ADGRA2: variants seen among roughly 807,000 people sequenced by gnomAD.
ADGRA2 encodes G-protein coupled receptor 124.
In ADGRA2, 61 loss-of-function variants were observed where a neutral mutation model predicts 98.7. The observed-to-expected ratio is 0.62, with a 90% CI of 0.50 to 0.76. The LOEUF (loss-of-function observed/expected upper bound fraction) is 0.76. ADGRA2 is among the 30% of genes least tolerant of loss of function. ADGRA2 has a pLI of 0.00. For missense variants in ADGRA2, 1,712 were observed against 1,860.0 expected (o/e 0.92, Z 1.46); for synonymous variants, 858 against 831.5 (o/e 1.03, Z -0.55).
In ADGRA2 at chr8:37,825,328, C is replaced by A. The variant is rs7820931; in HGVS notation, c.339-3560C>A. ...GCGAAATCTCAGCTCACTGCAACCT[C>A]CACCTCCCAGGTTCAGGTGATTCTC... On this transcript the variant is annotated intron_variant, in intron 2 of 18. Coordinates refer to ENST00000412232, the MANE Select transcript of ADGRA2 (RefSeq NM_032777.10). Among the ~76,000 whole-genome samples, 573 of 152,218 alleles carry A rather than the reference C, an allele frequency of 3.8e-3. 3 individuals carry two copies. The highest frequency in any genetic ancestry group is 0.013 in the African/African-American group (534 of 41,534).
At chr8:37,837,596 C>T (rs1805656230) in intron 13 of ADGRA2, 135 bp from the exon 14 acceptor site, 1 of 743,022 alleles carries the variant, frequency 1.3e-6, no homozygotes, top group Admixed American at 2.2e-5. Flanking sequence ...ACCGCATGCC[C>T]CCAGCCCAGC....
Position 37,797,581 on chromosome 8 carries a change from G to A in ADGRA2, c.266+47G>A. On this transcript the variant is annotated intron_variant, in intron 1 of 18. Coordinates refer to ENST00000412232, the MANE Select transcript of ADGRA2 (RefSeq NM_032777.10). The surrounding 1 kb of genome is among the most constrained non-coding windows in gnomAD (Gnocchi z 5.3). ...TTCCGTCCGAGCCGGGACTGGGGAC[G>A]AAGGGAGGCGAGACGGGAGGGGTGG... 7.7e-7 allele frequency: 1 copy of A among 1,302,708 alleles called. No individual in the cohort carries two copies. The highest frequency in any genetic ancestry group is 9.8e-7 in the Non-Finnish European group (1 of 1,015,400). The allele number at this position is 1,302,708 out of a possible 1,614,324, so 80.7% of individuals were successfully genotyped here. A position where few individuals can be genotyped will look rare whatever the true frequency, so the allele number is the denominator to read the frequency against.
At position 37,844,558 on chromosome 8, in the gene ADGRA2, C is replaced by G; in HGVS notation, c.*2203C>G. On this transcript the variant is annotated 3_prime_UTR_variant, in exon 19 of 19. Coordinates refer to ENST00000412232, the MANE Select transcript of ADGRA2 (RefSeq NM_032777.10). ...TGGGCTCTCTGAAAGTCCCTAACTT[C>G]CTGAGGGGTACGCAAATACTGTTCT... 6.2e-7 allele frequency: 1 copy of G among 1,613,978 alleles called. No homozygotes were observed. The highest frequency in any genetic ancestry group is 8.5e-7 in the Non-Finnish European group (1 of 1,179,996).
At chr8:37,818,241 C>T (rs1047124319) in intron 2 of ADGRA2, among the ~76,000 whole-genome samples, 1 of 152,172 alleles carries the variant, frequency 6.6e-6, no homozygotes, top group African/African-American at 2.4e-5. Flanking sequence ...CAGGCTGGCA[C>T]CTCCCACAAT....
intron 1 of ADGRA2, among the ~76,000 whole-genome samples, chr8:37,808,673 C>G (rs1186846308): frequency 6.6e-6 from 1 of 152,062 alleles, no homozygotes; most frequent in Non-Finnish European, 1.5e-5. Context: ...CAGACCCAGC[C>G]AGGCACAGTG....
At chr8:37,804,323 C>T (rs1409748331) in intron 1 of ADGRA2, among the ~76,000 whole-genome samples, 1 of 152,176 alleles carries the variant, frequency 6.6e-6, no homozygotes, top group Non-Finnish European at 1.5e-5. Context: ...TGAAGCTTCT[C>T]AGACCTCTTG....
At chr8:37,832,157 A>G (rs1805474963) in intron 8 of ADGRA2, among the ~76,000 whole-genome samples, 1 of 151,144 alleles carries the variant, frequency 6.6e-6, no homozygotes, top group African/African-American at 2.4e-5. Context: ...TCTGGAGTGC[A>G]ATGGCATGAT....
At chr8:37,810,781 G>A (rs1328864988) in intron 1 of ADGRA2, among the ~76,000 whole-genome samples, 1 of 152,104 alleles carries the variant, frequency 6.6e-6, no homozygotes, top group Non-Finnish European at 1.5e-5. Context: ...TTGCAGGCAT[G>A]AGCCACTGCA....
chr8:37,827,844 C>G (rs1585394297), intron 2 of ADGRA2, among the ~76,000 whole-genome samples: 2 of 152,166 alleles, frequency 1.3e-5, no homozygotes, highest in East Asian at 3.9e-4. Context: ...CATAAAAATA[C>G]CCTCCTTGGC....
rs1804373186 is a variant in ADGRA2 at position 37,797,648 on chromosome 8, T to C, written c.266+114T>C. The C allele has an allele frequency of 5.7e-6, 6 of 1,052,704 alleles. No individual in the cohort carries two copies. Among genetic ancestry groups the C allele is most frequent in the Non-Finnish European group, 7.4e-6 (6 of 806,548 alleles). The allele number at this position is 1,052,704 out of a possible 1,614,324, so 65.2% of individuals were successfully genotyped here. ...GCTATCCCCCCACTTCAGAGATTTC[T>C]GGACAGGCCTGGGTTCAGGCCCCCA... On this transcript the variant is annotated intron_variant, in intron 1 of 18. Transcript: ENST00000412232. This position sits in a 1 kb window ranked among gnomAD's most constrained non-coding sequence, Gnocchi z 5.3.
rs373244928 is a variant in ADGRA2, at chr8:37,837,875, G to A, written c.2195G>A (p.Arg732His). The A allele has an allele frequency of 6.8e-5, 101 of 1,495,514 alleles. No homozygotes were observed. The African/African-American group carries it at 9.1e-4, about 13-fold the overall frequency. The allele number at this position is 1,495,514 out of a possible 1,614,324, so 92.6% of individuals were successfully genotyped here. The stretch of plus-strand genomic sequence containing the variant: ...TGGACCTCGGAGGGCTGCCAGCTCC[G>A]CTCCAGCCAGCCCAATGTCAGCGCC... Reference protein sequence around the residue: ...GGWTSEGCQLRSSQPNVSALH... With the variant: ...GGWTSEGCQLHSSQPNVSALH... The change falls in exon 14 of 19, where the codon CGC (arginine) becomes CAC (histidine). Residue 732 changes from arginine (R) to histidine (H), a missense_variant. Physicochemically the swap from Arg to His is conservative, Grantham distance 29. Coordinates refer to ENST00000412232, the MANE Select transcript of ADGRA2 (RefSeq NM_032777.10).
Position 37,844,708 on chromosome 8 carries a change from C to T in ADGRA2, c.*2353C>T. 6.2e-7 allele frequency: 1 copy of T among 1,614,102 alleles called. No homozygotes were observed. Among genetic ancestry groups the T allele is most frequent in the African/African-American group, 1.3e-5 (1 of 75,038 alleles). ...AGGGCAGGACTGGCCGGCCGCTTCC[C>T]CTGGGGTAAACCTAAGGAATTATTT... On this transcript the variant is annotated 3_prime_UTR_variant, in exon 19 of 19. Transcript: ENST00000412232.
At chr8:37,812,473 A>C (rs1390311122) in intron 1 of ADGRA2, among the ~76,000 whole-genome samples, 2 of 151,988 alleles carry the variant, frequency 1.3e-5, no homozygotes, top group Non-Finnish European at 2.9e-5. Flanking sequence ...TAAAAATACA[A>C]AAAATTAGCC....
chr8:37,844,342 C>T lies in ADGRA2; in HGVS notation c.*1987C>T. On this transcript the variant is annotated 3_prime_UTR_variant, in exon 19 of 19. Coordinates refer to ENST00000412232, the MANE Select transcript of ADGRA2 (RefSeq NM_032777.10). The stretch of plus-strand genomic sequence containing the variant: ...TGCACTCCTGACTTTACTCCAGGAC[C>T]CAGGGTCCAACTAATGGCAGAGCCC... 9.8e-7 allele frequency: 1 copy of T among 1,016,692 alleles called. No individual in the cohort carries two copies. The highest frequency in any genetic ancestry group is 1.6e-5 in the South Asian group (1 of 61,972). 63.0% of individuals were successfully genotyped at this position (1,016,692 alleles called of 1,614,324 possible).
In ADGRA2 at chr8:37,797,196, C is replaced by T. The variant is rs1181776123; in HGVS notation, c.-73C>T. On this transcript the variant is annotated 5_prime_UTR_variant, in exon 1 of 19. Coordinates refer to ENST00000412232, the MANE Select transcript of ADGRA2 (RefSeq NM_032777.10). The surrounding 1 kb of genome is among the most constrained non-coding windows in gnomAD (Gnocchi z 5.3). ...CCGGGCCCCCGCTGAGCACTCCTCC[C>T]GCACGCCTGGGTCCCTCCGGCCGGC... The T allele has an allele frequency of 8.7e-7, 1 of 1,145,240 alleles. No individual in the cohort carries two copies. The highest frequency in any genetic ancestry group is 1.1e-6 in the Non-Finnish European group (1 of 921,344). The allele number at this position is 1,145,240 out of a possible 1,614,324, so 70.9% of individuals were successfully genotyped here.
intron 13 of ADGRA2, among the ~76,000 whole-genome samples, chr8:37,836,451 G>A (rs1805619147): frequency 1.3e-5 from 2 of 152,300 alleles, no homozygotes; most frequent in South Asian, 2.1e-4. Flanking sequence ...GGTGTGGTGG[G>A]TGGGAGACAC....
chr8:37,805,520 T>C (rs1284177795), intron 1 of ADGRA2, among the ~76,000 whole-genome samples: 2 of 152,068 alleles, frequency 1.3e-5, no homozygotes, highest in Non-Finnish European at 2.9e-5. Context: ...GGGGATCACT[T>C]GAGGCCAGGG....
chr8:37,838,755 A>T (rs925497015), intron 14 of ADGRA2, among the ~76,000 whole-genome samples: 4 of 152,124 alleles, frequency 2.6e-5, no homozygotes, highest in Non-Finnish European at 4.4e-5. Flanking sequence ...GCAGGACTGG[A>T]GGCAGGGAAG....
intron 13 of ADGRA2, among the ~76,000 whole-genome samples, chr8:37,836,759 G>A (rs1443641692): frequency 1.3e-5 from 2 of 152,188 alleles, no homozygotes; most frequent in African/African-American, 2.4e-5. Flanking sequence ...CCATCATCAG[G>A]ACGTCTGCCT....
Sources: allele counts gnomAD v4.1 joint callset (sites outside exome capture counted in the v4.1 genomes callset), GRCh38; gene constraint gnomAD v4.1.1; non-coding constraint Gnocchi (gnomAD v3.1); transcripts MANE v1.5; gene names NCBI Gene and HGNC (gene_info 2026-07-23, HGNC 2026-07-21).